LRRIQ1: variants seen among roughly 807,000 people sequenced by gnomAD.
LRRIQ1 encodes leucine rich repeats and IQ motif containing 1.
LRRIQ1 carries 210 observed loss-of-function variants against 211.9 expected under a neutral mutation model. The observed-to-expected ratio is 0.99, with a 90% CI of 0.89 to 1.11. LRRIQ1 has a LOEUF of 1.11. Ranked by LOEUF, LRRIQ1 falls within the 50% of genes most tolerant of loss-of-function variation. The pLI, the probability that LRRIQ1 is intolerant of heterozygous loss-of-function variation, is 0.00. For missense variants in LRRIQ1, 2,136 were observed against 1,939.5 expected (o/e 1.10, Z -1.90); for synonymous variants, 699 against 650.1 (o/e 1.08, Z -1.14).
chr12:85,101,760 G>A (rs1360242136), intron 13 of LRRIQ1, among the ~76,000 whole-genome samples: 1 of 151,444 alleles, frequency 6.6e-6, no homozygotes, highest in Non-Finnish European at 1.5e-5. Context: ...TTAACAGCAC[G>A]GTTATCTGAA....
intron 18 of LRRIQ1, among the ~76,000 whole-genome samples, chr12:85,133,873 AT>A (rs1434216216): frequency 1.3e-5 from 2 of 152,142 alleles, no homozygotes; most frequent in African/African-American, 4.8e-5. Context: ...ACTATACTGT[AT>A]CAGATAAATC....
At chr12:85,142,780 G>A (rs1383989654) in intron 19 of LRRIQ1, among the ~76,000 whole-genome samples, 5 of 151,510 alleles carry the variant, frequency 3.3e-5, no homozygotes, top group Non-Finnish European at 7.4e-5. Flanking sequence ...GTTCATTCAC[G>A]TTGTTGCAAA....
At chr12:85,202,018 G>A (rs1456161958) in intron 24 of LRRIQ1, among the ~76,000 whole-genome samples, 1 of 152,008 alleles carries the variant, frequency 6.6e-6, no homozygotes, top group Non-Finnish European at 1.5e-5. Flanking sequence ...TCAAATAATT[G>A]ATTTCTGCCT....
chr12:85,149,951 T>C (rs1365074911), intron 19 of LRRIQ1, among the ~76,000 whole-genome samples: 1 of 151,792 alleles, frequency 6.6e-6, no homozygotes, highest in Non-Finnish European at 1.5e-5. Context: ...ATCCAGACTT[T>C]ATGTAGCCTT....
chr12:85,121,726 T>C lies in LRRIQ1; in HGVS notation c.3407T>C (p.Leu1136Pro). The change falls in exon 16 of 27, where the codon CTG becomes CCG. Residue 1136 changes from leucine (L) to proline (P), a missense_variant. Physicochemically the swap from Leu to Pro is moderately conservative, Grantham distance 98. Transcript: ENST00000393217. The stretch of plus-strand genomic sequence containing the variant: ...TCTCTACTTAAAGTGTTGCCTGCTC[T>C]GAGAATCCTCAATGGCAATATACTA... ...RDSLLKVLPA[L>P]RILNGNILNS... is the part of the protein sequence containing the mutation. 1 of 1,595,620 alleles carries C rather than the reference T, an allele frequency of 6.3e-7. No individual in the cohort carries two copies. Among genetic ancestry groups the C allele is most frequent in the Non-Finnish European group, 8.5e-7 (1 of 1,172,110 alleles).
At chr12:85,270,967 C>T in the LRRIQ1 span, among the ~76,000 whole-genome samples, 4 of 152,024 alleles carry the variant, frequency 2.6e-5, no homozygotes, top group African/African-American at 9.7e-5. Flanking sequence ...AACCAGTTAG[C>T]CAAACTTGCT....
At chr12:85,076,322 A>C (rs1883648644) in intron 11 of LRRIQ1, among the ~76,000 whole-genome samples, 1 of 151,918 alleles carries the variant, frequency 6.6e-6, no homozygotes, top group Non-Finnish European at 1.5e-5. Context: ...TTCTTTTATT[A>C]AATATTGAAT....
chr12:85,175,893 T>G (rs977348266), intron 24 of LRRIQ1, among the ~76,000 whole-genome samples: 31 of 152,080 alleles, frequency 2.0e-4, no homozygotes, highest in African/African-American at 2.7e-4. Flanking sequence ...GTACCATGCT[T>G]TTTTGGTTAC....
chr12:85,263,930 G>T (rs1896368021), exon 2 of LRRIQ1: 1 of 151,882 alleles, frequency 6.6e-6, no homozygotes, highest in Non-Finnish European at 1.5e-5. Context: ...ACAAAATGCT[G>T]TGTTTACACT....
intron 24 of LRRIQ1, among the ~76,000 whole-genome samples, chr12:85,177,601 G>T (rs1302497128): frequency 6.6e-6 from 1 of 152,224 alleles, no homozygotes; most frequent in Non-Finnish European, 1.5e-5. Flanking sequence ...TATGGCTAGA[G>T]AACAAGGAGT....
rs144949857 is a variant in LRRIQ1 at position 85,103,960 on chromosome 12, T to C, written c.3210-44T>C. 101 of 1,213,066 alleles carry C rather than the reference T, an allele frequency of 8.3e-5. 1 individual carries two copies. The African/African-American group carries it at 1.1e-3, about 13-fold the overall frequency. 75.1% of individuals were successfully genotyped at this position (1,213,066 alleles called of 1,614,324 possible). Reference sequence around the variant, plus strand: ...TAGTTACAATGGTAACATTAAGGACTTTCCAATTTAGAATTTTGATGAAGT... The same window carrying C: ...TAGTTACAATGGTAACATTAAGGACCTTCCAATTTAGAATTTTGATGAAGT... On this transcript the variant is annotated intron_variant, in intron 13 of 26. Transcript: ENST00000393217.
chr12:85,135,479 A>G (rs1889059632), intron 18 of LRRIQ1, among the ~76,000 whole-genome samples: 1 of 151,608 alleles, frequency 6.6e-6, no homozygotes. Context: ...CTTTCTATCT[A>G]CTATTCTTTA....
chr12:85,231,790 A>G (rs1464306915), intron 25 of LRRIQ1, among the ~76,000 whole-genome samples: 1 of 152,176 alleles, frequency 6.6e-6, no homozygotes, highest in Non-Finnish European at 1.5e-5. Context: ...CACCAAGGCA[A>G]TCATGAGAGG....
rs1194595838 is a variant in LRRIQ1, at chr12:85,188,707, C to T, written c.4822+27993C>T. On this transcript the variant is annotated intron_variant, in intron 24 of 26. Transcript: ENST00000393217. ...TGTCTTAGTGCTTCCCTTGAAAACCCCTTGCAAGTTTACAATATTAAGTAA... is the reference window on the plus strand; with the variant it reads ...TGTCTTAGTGCTTCCCTTGAAAACCTCTTGCAAGTTTACAATATTAAGTAA... Among the ~76,000 whole-genome samples the T allele has an allele frequency of 2.6e-5, 4 of 152,098 alleles. No homozygotes were observed. In the East Asian group the frequency reaches 7.7e-4, roughly 29 times the overall value.
At chr12:85,095,294 G>A (rs1343409346) in intron 11 of LRRIQ1, among the ~76,000 whole-genome samples, 2 of 151,990 alleles carry the variant, frequency 1.3e-5, no homozygotes, top group African/African-American at 4.8e-5. Flanking sequence ...TTCTTTAAGT[G>A]CCTAGTTTGT....
rs757584740 is a variant in LRRIQ1, at chr12:85,104,004, C to T, written c.3210C>T (p.Ser1070=). The T allele has an allele frequency of 4.5e-5, 71 of 1,560,516 alleles. No individual in the cohort carries two copies. The Admixed American group carries it at 1.3e-3, about 29-fold the overall frequency. The part of the protein sequence containing the change: ...LLQNITISQN[S]LTKIVPLFHF... ...ATGAAGTTTTTGTTTTTGTTTTCAG[C>T]TTGACTAAAATCGTACCACTTTTTC... The change falls in exon 14 of 27, where the codon AGC becomes AGT. Residue 1070 remains serine (S), a splice_region_variant and synonymous_variant. Coordinates refer to ENST00000393217, the MANE Select transcript of LRRIQ1 (RefSeq NM_001079910.2).
intron 15 of LRRIQ1, among the ~76,000 whole-genome samples, chr12:85,118,237 T>C (rs1414152901): frequency 3.9e-5 from 6 of 152,160 alleles, no homozygotes; most frequent in Non-Finnish European, 8.8e-5. Context: ...CATTGGTAGC[T>C]TCAAAACTAC....
At chr12:85,173,485 C>T (rs1891518070) in intron 24 of LRRIQ1, among the ~76,000 whole-genome samples, 1 of 152,124 alleles carries the variant, frequency 6.6e-6, no homozygotes, top group Non-Finnish European at 1.5e-5. Context: ...AAGGTTCTAG[C>T]TAATTCAATT....
At position 85,124,096 on chromosome 12, in the gene LRRIQ1, A is replaced by G. The variant is rs999325385; in HGVS notation, c.3584A>G (p.Glu1195Gly). ...GATGTATTTACCTTGGATACTGCAG[A>G]AAATCTCTGTCATTATTTTAAGAAA... ...KGDVFTLDTA[E>G]NLCHYFKKLM... Residue 1195 changes from glutamate (E) to glycine (G), a missense_variant, in exon 17 of 27, where the codon GAA (glutamate) becomes GGA (glycine). By Grantham distance (98) the Glu-to-Gly change is moderately conservative. Transcript: ENST00000393217. 1.2e-5 allele frequency: 19 copies of G among 1,612,898 alleles called. No individual in the cohort carries two copies. Among genetic ancestry groups the G allele is most frequent in the Non-Finnish European group, 1.6e-5 (19 of 1,179,104 alleles).
Sources: gnomAD v4.1 joint callset for allele counts (sites outside exome capture counted in the v4.1 genomes callset) on GRCh38, gnomAD v4.1.1 for gene constraint, MANE v1.5 for transcripts, NCBI Gene and HGNC (gene_info 2026-07-23, HGNC 2026-07-21) for gene names.